Variants in DENND6B observed in about 807,000 individuals in gnomAD.
DENND6B encodes the protein protein DENND6B.
DENND6B carries 73 observed loss-of-function variants against 85.1 expected under a neutral mutation model. The observed-to-expected ratio is 0.86, with a 90% CI of 0.71 to 1.04. DENND6B has a LOEUF of 1.04. Among genes scored for constraint, DENND6B ranks in the 50% least tolerant of loss-of-function variants. The pLI, the probability that DENND6B is intolerant of heterozygous loss-of-function variation, is 0.00. For synonymous variants in DENND6B, 357 were observed against 329.3 expected (o/e 1.08, Z -0.91); for missense variants, 715 against 785.8 (o/e 0.91, Z 1.08).
rs1314259008 is a variant in DENND6B at position 50,312,991 on chromosome 22, C to T, written c.1457+8G>A. On this transcript the variant is annotated splice_region_variant and intron_variant, in intron 17 of 19. Transcript: ENST00000413817. ...GGCTCAAGCTGCCTGCACCTGCAGTCCACGCACCTGTAGAGACCCAGCCAG... is the reference window on the plus strand; with the variant it reads ...GGCTCAAGCTGCCTGCACCTGCAGTTCACGCACCTGTAGAGACCCAGCCAG... 1 of 1,551,176 alleles carries T rather than the reference C, an allele frequency of 6.4e-7. No individual in the cohort carries two copies. Among genetic ancestry groups the T allele is most frequent in the Non-Finnish European group, 8.7e-7 (1 of 1,147,350 alleles).
chr22:50,324,828 G>A (rs1209482490), intron 1 of DENND6B, among the ~76,000 whole-genome samples: 4 of 152,156 alleles, frequency 2.6e-5, no homozygotes, highest in African/African-American at 9.7e-5. Context: ...CCCCTCCCCT[G>A]TCTCTTCTCA....
Position 50,318,986 on chromosome 22 carries a change from G to A in DENND6B, c.195C>T (p.Asp65=). 6.2e-7 allele frequency: 1 copy of A among 1,603,300 alleles called. No homozygotes were observed. The highest frequency in any genetic ancestry group is 8.5e-7 in the Non-Finnish European group (1 of 1,175,162). ...GQALELVYPN[D]FRLTDKEKSS... ...TCACCTCCTTGTCTGTGAGCCGGAA[G>A]TCGTTCGGATACACCAGCTGCAGAG... The change falls in exon 2 of 20, where the codon GAC becomes GAT. Residue 65 remains aspartate, a synonymous_variant. Coordinates refer to ENST00000413817, the MANE Select transcript of DENND6B (RefSeq NM_001001794.4).
At chr22:50,326,365 A>C (rs544250746) in intron 1 of DENND6B, among the ~76,000 whole-genome samples, 32 of 152,306 alleles carry the variant, frequency 2.1e-4, no homozygotes, top group African/African-American at 7.7e-4. Flanking sequence ...GGTGGGGATG[A>C]CATCAGTGAT....
chr22:50,315,602 G>T (rs745603539), intron 9 of DENND6B, 112 bp downstream of exon 9: 1 of 1,287,474 alleles, frequency 7.8e-7, no homozygotes, highest in East Asian at 2.6e-5. Flanking sequence ...GTGCACTCAC[G>T]CAGACACACA....
At chr22:50,322,851 T>A (rs990624988) in intron 1 of DENND6B, among the ~76,000 whole-genome samples, 1 of 126,148 alleles carries the variant, frequency 7.9e-6, no homozygotes, top group East Asian at 2.1e-4. Context: ...TGCCCAGCCT[T>A]ATTTTTTTTT....
rs961421646 is a variant in DENND6B, at chr22:50,311,881, G to C, written c.*258C>G. 1.8e-6 allele frequency: 1 copy of C among 566,280 alleles called. No individual in the cohort carries two copies. The highest frequency in any genetic ancestry group is 1.9e-5 in the African/African-American group (1 of 52,920). 35.1% of individuals were successfully genotyped at this position (566,280 alleles called of 1,614,324 possible). On this transcript the variant is annotated 3_prime_UTR_variant, in exon 20 of 20. Coordinates refer to ENST00000413817, the MANE Select transcript of DENND6B (RefSeq NM_001001794.4). Reference sequence around the variant, plus strand: ...CCAGCCTGTCCCCGCCCCCGTCCCAGCCTAAGGTCTGCAGAGGCCAGGTGG... The same window carrying C: ...CCAGCCTGTCCCCGCCCCCGTCCCACCCTAAGGTCTGCAGAGGCCAGGTGG...
rs925777176 is a variant in DENND6B at position 50,312,015 on chromosome 22, G to A, written c.*124C>T. ...TGAGACAATGGTGGTGCAGGAAGGGGAGCCTGCAGTCTGGGCGGGGGGCCA... is the reference window on the plus strand; with the variant it reads ...TGAGACAATGGTGGTGCAGGAAGGGAAGCCTGCAGTCTGGGCGGGGGGCCA... On this transcript the variant is annotated 3_prime_UTR_variant, in exon 20 of 20. Coordinates refer to ENST00000413817, the MANE Select transcript of DENND6B (RefSeq NM_001001794.4). The A allele has an allele frequency of 2.1e-6, 3 of 1,420,758 alleles. No homozygotes were observed. The highest frequency in any genetic ancestry group is 2.8e-6 in the Non-Finnish European group (3 of 1,067,856). 88.0% of individuals were successfully genotyped at this position (1,420,758 alleles called of 1,614,324 possible).
In DENND6B at chr22:50,309,719, G is replaced by A. The variant is rs1246507444; in HGVS notation, c.*2420C>T. 1.3e-5 allele frequency: 2 copies of A among 152,278 alleles called. No individual in the cohort carries two copies. The highest frequency in any genetic ancestry group is 2.4e-5 in the African/African-American group (1 of 41,454). 9.4% of individuals were successfully genotyped at this position (152,278 alleles called of 1,614,324 possible). A position where few individuals can be genotyped will look rare whatever the true frequency, so the allele number is the denominator to read the frequency against. ...ATGTGGCCTCACCAGAGCCCTCCAG[G>A]GAAATCTGCTTGTGCATTTCTGGAT... On this transcript the variant is annotated 3_prime_UTR_variant, in exon 20 of 20. Transcript: ENST00000413817.
At chr22:50,324,022 T>C (rs1381886025) in intron 1 of DENND6B, among the ~76,000 whole-genome samples, 2 of 152,172 alleles carry the variant, frequency 1.3e-5, no homozygotes, top group African/African-American at 2.4e-5. Context: ...GCAGGACCAC[T>C]GCGCCCAGCC....
chr22:50,318,112 G>T, intron 3 of DENND6B, 92 bp from the exon 4 acceptor site: 1 of 1,299,232 alleles, frequency 7.7e-7, no homozygotes, highest in Non-Finnish European at 1.1e-6. Flanking sequence ...GGCCCTGCGA[G>T]CCTGGCCTCT....
At chr22:50,324,874 C>A (rs542552245) in intron 1 of DENND6B, among the ~76,000 whole-genome samples, 1 of 152,350 alleles carries the variant, frequency 6.6e-6, no homozygotes, top group Admixed American at 6.5e-5. Context: ...CCATTCCTTC[C>A]TCTGAGCTGC....
rs2068066860 is a variant in DENND6B at position 50,311,939 on chromosome 22, G to A, written c.*200C>T. 1.1e-6 allele frequency: 1 copy of A among 905,182 alleles called. No homozygotes were observed. The highest frequency in any genetic ancestry group is 1.6e-6 in the Non-Finnish European group (1 of 619,414). 56.1% of individuals were successfully genotyped at this position (905,182 alleles called of 1,614,324 possible). On this transcript the variant is annotated 3_prime_UTR_variant, in exon 20 of 20. Transcript: ENST00000413817. ...GAGGAGGCAAGGCTCTGCCTGCGAG[G>A]AACCCCTATGGTCAAGGCCATGCTG...
At chr22:50,314,300 T>C (rs756964048) in intron 12 of DENND6B, 28 bp from the exon 13 acceptor site, 2 of 1,604,984 alleles carry the variant, frequency 1.2e-6, no homozygotes, top group Non-Finnish European at 1.7e-6. Context: ...TGGCCAGGCC[T>C]CAGTGCCCGC....
chr22:50,323,408 G>A lies in DENND6B; in HGVS notation c.177+3404C>T, dbSNP rs180904341. On this transcript the variant is annotated intron_variant, in intron 1 of 19. Transcript: ENST00000413817. ...GGGTTCAAGCAATTCTCCTAACTCA[G>A]CCTCCAGAGTAGCTGGGATTACAGG... Among the ~76,000 whole-genome samples, 285 of 151,066 alleles carry A rather than the reference G, an allele frequency of 1.9e-3. 3 individuals are homozygous for A. The highest frequency in any genetic ancestry group is 2.4e-3 in the East Asian group (12 of 5,076).
chr22:50,312,530 C>CAGAT lies in DENND6B; in HGVS notation c.1549_1552dup (p.Cys518TyrfsTer3). ...ACCCCCAGCCTCTCTCACCGCCTCA[C>CAGAT]AGATAGCCTCCAGGTGCAGGGCCTC... On this transcript the variant is annotated frameshift_variant, in exon 18 of 20. Transcript: ENST00000413817. LOFTEE classifies it high-confidence loss of function. 6.3e-7 allele frequency: 1 copy of CAGAT among 1,588,892 alleles called. No individual in the cohort carries two copies. Among genetic ancestry groups the CAGAT allele is most frequent in the Non-Finnish European group, 8.6e-7 (1 of 1,168,554 alleles).
Position 50,318,716 on chromosome 22 carries a change from G to A in DENND6B, c.259+131C>T. 6 of 1,329,898 alleles carry A rather than the reference G, an allele frequency of 4.5e-6. No individual in the cohort carries two copies. The South Asian group carries it at 7.8e-5, about 17-fold the overall frequency. The allele number at this position is 1,329,898 out of a possible 1,614,324, so 82.4% of individuals were successfully genotyped here. ...GGGTGCCTCCACGGAGTGGGCATGG[G>A]GCTGGTGCTGCTCACCCCTGTGGCA... On this transcript the variant is annotated intron_variant, in intron 3 of 19. Transcript: ENST00000413817.
Position 50,312,435 on chromosome 22 carries a change from G to T in DENND6B, c.1561-18C>A, listed in dbSNP as rs770731538. On this transcript the variant is annotated intron_variant, in intron 18 of 19. Coordinates refer to ENST00000413817, the MANE Select transcript of DENND6B (RefSeq NM_001001794.4). Reference sequence around the variant, plus strand: ...TCGATGTTCTGCAGGGCAAGACGGGGTCTACTGTCAGCAAGGCCCCTCACT... The same window carrying T: ...TCGATGTTCTGCAGGGCAAGACGGGTTCTACTGTCAGCAAGGCCCCTCACT... 26 of 1,607,114 alleles carry T rather than the reference G, an allele frequency of 1.6e-5. No homozygotes were observed. The East Asian group carries it at 1.8e-4, about 11-fold the overall frequency.
At chr22:50,314,145 C>T in intron 13 of DENND6B, 62 bp downstream of exon 13, 1 of 1,527,554 alleles carries the variant, frequency 6.5e-7, no homozygotes, top group Non-Finnish European at 8.8e-7. Context: ...CCCGAGAGAC[C>T]CGCCAGGTAC....
Position 50,313,818 on chromosome 22 carries a change from A to G in DENND6B, c.1199T>C (p.Leu400Pro). The G allele has an allele frequency of 1.2e-6, 2 of 1,611,796 alleles. No homozygotes were observed. The highest frequency in any genetic ancestry group is 1.7e-6 in the Non-Finnish European group (2 of 1,179,582). The part of the protein sequence containing the change: ...HRDKALLKRL[L>P]KGVQKKRPSD... ...CCTGCCCCACAAACCATATACCTTG[A>G]GCAGCCGTTTGAGCAGCGCCTTGTC... The change falls in exon 14 of 20, where the codon CTC (leucine) becomes CCC (proline). Residue 400 changes from leucine (L) to proline (P), a missense_variant. Transcript: ENST00000413817.
Sources: allele counts gnomAD v4.1 joint callset (sites outside exome capture counted in the v4.1 genomes callset), GRCh38; gene constraint gnomAD v4.1.1; transcripts MANE v1.5; gene names NCBI Gene and HGNC (gene_info 2026-07-23, HGNC 2026-07-21).